Variants in BTAF1 observed in about 807,000 individuals in gnomAD.
The protein encoded by BTAF1 is B-TFIID TATA-box binding protein associated factor 1.
A neutral mutation model predicts 227.1 loss-of-function variants in BTAF1; 38 were observed. That is an observed-to-expected ratio of 0.17 (90% CI 0.13 to 0.22). The LOEUF (loss-of-function observed/expected upper bound fraction) is 0.22. Among genes scored for constraint, BTAF1 ranks in the 10% least tolerant of loss-of-function variants. The pLI is 1.00. For missense variants in BTAF1, 1,598 were observed against 2,204.0 expected (o/e 0.73, Z 5.51); for synonymous variants, 742 against 751.9 (o/e 0.99, Z 0.21).
At chr10:92,007,069 C>T (rs1849948961) in intron 25 of BTAF1, among the ~76,000 whole-genome samples, 2 of 151,374 alleles carry the variant, frequency 1.3e-5, no homozygotes, top group Admixed American at 6.6e-5. Flanking sequence ...ATGGCTAGTT[C>T]AGCTCCTCAA....
At chr10:91,937,249 TC>T (rs1257927352) in intron 2 of BTAF1, among the ~76,000 whole-genome samples, 1 of 152,160 alleles carries the variant, frequency 6.6e-6, no homozygotes, top group Non-Finnish European at 1.5e-5. Context: ...CACCTTGGCC[TC>T]CCAAAGTGCT....
chr10:91,937,012 CT>C (rs373795380), intron 2 of BTAF1, among the ~76,000 whole-genome samples: 191 of 143,028 alleles, frequency 1.3e-3, no homozygotes, highest in African/African-American at 1.5e-3. Context: ...GTTTTGTTTT[CT>C]TTTTTTTTTT....
At position 91,943,275 on chromosome 10, in the gene BTAF1, C is replaced by T. The variant is rs1845140038; in HGVS notation, c.400+707C>T. 2.6e-5 allele frequency among the ~76,000 whole-genome samples: 4 copies of T among 152,124 alleles called. No homozygotes were observed. In the South Asian group the frequency reaches 6.2e-4, roughly 24 times the overall value. ...GTTGCAGTGAGCCGAGATCACACCA[C>T]TGCACTCCAGCCTGGGCAACAGAGG... On this transcript the variant is annotated intron_variant, in intron 4 of 37. Coordinates refer to ENST00000265990, the MANE Select transcript of BTAF1 (RefSeq NM_003972.3).
intron 14 of BTAF1, among the ~76,000 whole-genome samples, chr10:91,974,587 C>T (rs187150959): frequency 1.6e-4 from 24 of 152,318 alleles, no homozygotes; most frequent in African/African-American, 5.5e-4. Flanking sequence ...CACAGTGGCT[C>T]ACTCCTGTAA....
chr10:92,022,295 C>A (rs1343245212), intron 34 of BTAF1, among the ~76,000 whole-genome samples: 1 of 152,194 alleles, frequency 6.6e-6, no homozygotes, highest in South Asian at 2.1e-4. Context: ...AACTGGTTAT[C>A]TTTAAGGTTT....
At chr10:92,020,240 T>G (rs1422862931) in intron 34 of BTAF1, among the ~76,000 whole-genome samples, 3 of 152,204 alleles carry the variant, frequency 2.0e-5, no homozygotes, top group African/African-American at 7.2e-5. Context: ...AGTTTATAAT[T>G]CATGTCGATG....
intron 30 of BTAF1, among the ~76,000 whole-genome samples, 182 bp downstream of exon 30, chr10:92,011,597 G>A (rs182797448): frequency 1.3e-5 from 2 of 152,122 alleles, no homozygotes; most frequent in African/African-American, 4.8e-5. Context: ...AACAAACCAG[G>A]TTTTAAAAGT....
intron 2 of BTAF1, among the ~76,000 whole-genome samples, chr10:91,936,517 A>G (rs1589750009): frequency 6.6e-6 from 1 of 150,692 alleles, no homozygotes. Context: ...TATGAGTGGG[A>G]GTTCTAAGCC....
At chr10:92,007,083 A>T (rs905513923) in intron 25 of BTAF1, among the ~76,000 whole-genome samples, 2 of 151,626 alleles carry the variant, frequency 1.3e-5, no homozygotes, top group African/African-American at 4.8e-5. Context: ...TCCTCAACAG[A>T]TTGTACTTTG....
At chr10:92,008,755 T>C in intron 26 of BTAF1, 74 bp from the exon 27 acceptor site, 1 of 1,377,892 alleles carries the variant, frequency 7.3e-7, no homozygotes, top group South Asian at 1.6e-5. Context: ...GCAAACGTTG[T>C]TTATAAGAAA....
Position 91,955,891 on chromosome 10 carries a change from G to A in BTAF1, c.702-637G>A, listed in dbSNP as rs977017376. ...AATTTCACTATTAAGATGGAGAGAG[G>A]GGAGAAGTATTTATAGAAAATAATG... On this transcript the variant is annotated intron_variant, in intron 6 of 37. Transcript: ENST00000265990. Among the ~76,000 whole-genome samples the A allele has an allele frequency of 3.3e-5, 5 of 152,038 alleles. No individual in the cohort carries two copies. In the East Asian group the frequency reaches 7.7e-4, roughly 23 times the overall value.
At chr10:91,933,316 A>T (rs1278490081) in intron 1 of BTAF1, among the ~76,000 whole-genome samples, 1 of 152,176 alleles carries the variant, frequency 6.6e-6, no homozygotes, top group Admixed American at 6.5e-5. Flanking sequence ...TGGCAACAGG[A>T]TGACAAGGCA....
At chr10:92,025,548 T>C (rs1851443978) in intron 35 of BTAF1, among the ~76,000 whole-genome samples, 1 of 152,104 alleles carries the variant, frequency 6.6e-6, no homozygotes, top group Non-Finnish European at 1.5e-5. Context: ...GACTCATGCC[T>C]GTAATCCCAG....
At chr10:91,924,265 C>T (rs972670598) in intron 1 of BTAF1, among the ~76,000 whole-genome samples, 175 bp downstream of exon 1, 3 of 152,210 alleles carry the variant, frequency 2.0e-5, no homozygotes, top group African/African-American at 7.2e-5. Flanking sequence ...TCGGGTTACT[C>T]CTGGGTAAAT....
At chr10:91,995,153 G>A (rs866456039) in intron 23 of BTAF1, among the ~76,000 whole-genome samples, 6 of 152,118 alleles carry the variant, frequency 3.9e-5, no homozygotes, top group South Asian at 4.1e-4. Flanking sequence ...GAGGAAAATA[G>A]AGAATTATCT....
intron 13 of BTAF1, 131 bp downstream of exon 13, chr10:91,964,332 C>G: frequency 9.4e-7 from 1 of 1,059,960 alleles, no homozygotes; most frequent in Non-Finnish European, 1.3e-6. Flanking sequence ...CCAAAGACTA[C>G]CGTTTTCAGA....
chr10:91,994,404 T>C, intron 22 of BTAF1, 131 bp from the exon 23 acceptor site: 2 of 592,790 alleles, frequency 3.4e-6, no homozygotes, highest in South Asian at 4.5e-5. Context: ...ATTAAGGTCA[T>C]GGCATTTAAT....
rs1845093324 is a variant in BTAF1 at position 91,942,644 on chromosome 10, T to A, written c.400+76T>A. ...TTTGTCACTGTGGTATGCTGTTCAT[T>A]AGTCACACGTAAACTAACATGTCAT... On this transcript the variant is annotated intron_variant, in intron 4 of 37. Coordinates refer to ENST00000265990, the MANE Select transcript of BTAF1 (RefSeq NM_003972.3). The A allele has an allele frequency of 2.7e-6, 4 of 1,479,030 alleles. No individual in the cohort carries two copies. The East Asian group carries it at 9.1e-5, about 34-fold the overall frequency. The allele number at this position is 1,479,030 out of a possible 1,614,324, so 91.6% of individuals were successfully genotyped here.
At chr10:91,937,352 A>G (rs1382099849) in intron 2 of BTAF1, among the ~76,000 whole-genome samples, 1 of 152,106 alleles carries the variant, frequency 6.6e-6, no homozygotes, top group Non-Finnish European at 1.5e-5. Context: ...GTTTCAATTT[A>G]GTGGTATTTA....
Sources: gnomAD v4.1 joint callset for allele counts (sites outside exome capture counted in the v4.1 genomes callset) on GRCh38, gnomAD v4.1.1 for gene constraint, MANE v1.5 for transcripts, NCBI Gene and HGNC (gene_info 2026-07-23, HGNC 2026-07-21) for gene names.